The following ATXN1 variants were observed in gnomAD, a reference collection of about 807,000 sequenced individuals.
ATXN1 encodes ataxin-1.
A neutral mutation model predicts 56.4 loss-of-function variants in ATXN1; 8 were observed. That is an observed-to-expected ratio of 0.14 (90% CI 0.08 to 0.26). The LOEUF (loss-of-function observed/expected upper bound fraction) is 0.26, where lower values mean the gene tolerates loss of function less well. Ranked by LOEUF, ATXN1 falls within the 10% of genes least tolerant of loss-of-function variation. ATXN1 has a pLI of 1.00. For synonymous variants in ATXN1, 514 were observed against 494.6 expected, an observed-to-expected ratio of 1.04 and a Z score of -0.52; for missense variants, 987 against 1,106.5, an observed-to-expected ratio of 0.89 and a Z score of 1.53.
At chr6:16,624,056 A>G (rs1187406018) in intron 3 of ATXN1, among the ~76,000 whole-genome samples, 1 of 152,216 alleles carries the variant, frequency 6.6e-6, no homozygotes, top group African/African-American at 2.4e-5. Flanking sequence ...TTTGCAAAAT[A>G]AAAAGAGTTC....
chr6:16,426,711 C>T (rs957093343), intron 6 of ATXN1, among the ~76,000 whole-genome samples: 1 of 151,902 alleles, frequency 6.6e-6, no homozygotes, highest in Admixed American at 6.6e-5. Context: ...AACCAAGCAG[C>T]CCCCATTTGT....
chr6:16,504,700 T>C (rs1760947940), intron 5 of ATXN1, among the ~76,000 whole-genome samples: 2 of 152,184 alleles, frequency 1.3e-5, no homozygotes, highest in Admixed American at 6.6e-5. Flanking sequence ...TGACCAGGCC[T>C]GGATCTGACG....
In ATXN1 at chr6:16,326,186, T is replaced by G. The variant is rs1479966992; in HGVS notation, c.1917+208A>C. Among the ~76,000 whole-genome samples, 2 of 152,156 alleles carry G rather than the reference T, an allele frequency of 1.3e-5. No homozygotes were observed. Among genetic ancestry groups the G allele is most frequent in the African/African-American group, 4.8e-5 (2 of 41,428 alleles). On this transcript the variant is annotated intron_variant, in intron 7 of 7. Coordinates refer to ENST00000436367, the MANE Select transcript of ATXN1 (RefSeq NM_001128164.2). This position sits in a 1 kb window ranked among gnomAD's most constrained non-coding sequence, Gnocchi z 6.6. Reference sequence around the variant, plus strand: ...CATAACTAGCCCCACTCTCCATGCATGGAGGTTAATTCATTACACACAGCA... The same window carrying G: ...CATAACTAGCCCCACTCTCCATGCAGGGAGGTTAATTCATTACACACAGCA...
At chr6:16,609,571 T>C (rs912320920) in intron 3 of ATXN1, among the ~76,000 whole-genome samples, 5 of 152,180 alleles carry the variant, frequency 3.3e-5, no homozygotes, top group African/African-American at 1.2e-4. Context: ...CCTGGTCTAG[T>C]ACATTTTTAA....
chr6:16,424,098 T>C (rs537895519), intron 6 of ATXN1, among the ~76,000 whole-genome samples: 5 of 152,288 alleles, frequency 3.3e-5, no homozygotes, highest in South Asian at 4.1e-4. Flanking sequence ...GAAAAGACCA[T>C]GTCTTATCAA....
Position 16,604,587 on chromosome 6 carries a change from TC to T in ATXN1, c.-488-18681del, listed in dbSNP as rs1762969280. On this transcript the variant is annotated intron_variant, in intron 3 of 7. Coordinates refer to ENST00000436367, the MANE Select transcript of ATXN1 (RefSeq NM_001128164.2). Reference sequence around the variant, plus strand: ...TCAGACAACTGGATTTTGTTTCTCTTCTTTTTTTTTTTTTTTTTTAGACAGG... The same window carrying T: ...TCAGACAACTGGATTTTGTTTCTCTTTTTTTTTTTTTTTTTTTTAGACAGG... Among the ~76,000 whole-genome samples, 7 of 147,148 alleles carry T rather than the reference TC, an allele frequency of 4.8e-5. No homozygotes were observed. In the South Asian group the frequency reaches 6.6e-4, roughly 14 times the overall value.
At chr6:16,533,956 G>A (rs2113709171) in intron 4 of ATXN1, among the ~76,000 whole-genome samples, 1 of 152,160 alleles carries the variant, frequency 6.6e-6, no homozygotes, top group African/African-American at 2.4e-5. Context: ...CCTACTACAA[G>A]CAGAATAACG....
chr6:16,584,239 TATATAC>T (rs1400387084), intron 4 of ATXN1, among the ~76,000 whole-genome samples: 40 of 127,552 alleles, frequency 3.1e-4, no homozygotes, highest in South Asian at 5.2e-4. Flanking sequence ...TATATATATA[TATATAC>T]ACACACACAC....
At chr6:16,637,872 T>C (rs887646445) in intron 3 of ATXN1, among the ~76,000 whole-genome samples, 1 of 152,144 alleles carries the variant, frequency 6.6e-6, no homozygotes, top group Non-Finnish European at 1.5e-5. Context: ...CAGTCAAACA[T>C]GATATTATTA....
rs984215720 is a variant in ATXN1 at position 16,563,645 on chromosome 6, G to T, written c.-361+22135C>A. ...TTAAGATTTAGAAAGGTCCAAGTTG[G>T]GGGGTGTGAGGGTTCAAGTTGATAC... On this transcript the variant is annotated intron_variant, in intron 4 of 7. Coordinates refer to ENST00000436367, the MANE Select transcript of ATXN1 (RefSeq NM_001128164.2). Among the ~76,000 whole-genome samples, 4 of 152,208 alleles carry T rather than the reference G, an allele frequency of 2.6e-5. No individual in the cohort carries two copies. In the East Asian group the frequency reaches 5.8e-4, roughly 22 times the overall value.
At chr6:16,594,120 TAA>T (rs1762772837) in intron 3 of ATXN1, among the ~76,000 whole-genome samples, 1 of 147,526 alleles carries the variant, frequency 6.8e-6, no homozygotes, top group East Asian at 1.9e-4. Flanking sequence ...TTAGTCTAAT[TAA>T]TATATATATT....
At chr6:16,452,293 A>T (rs1291175796) in intron 6 of ATXN1, among the ~76,000 whole-genome samples, 1 of 152,244 alleles carries the variant, frequency 6.6e-6, no homozygotes, top group African/African-American at 2.4e-5. Flanking sequence ...GAATGAATAC[A>T]TGCAGGGATG....
At chr6:16,342,839 G>A (rs760060675) in intron 6 of ATXN1, among the ~76,000 whole-genome samples, 2 of 152,204 alleles carry the variant, frequency 1.3e-5, no homozygotes, top group Non-Finnish European at 2.9e-5. Flanking sequence ...TGGAGAGAGC[G>A]TAGAACAGGC....
At chr6:16,733,185 C>T (rs1437281713) in intron 2 of ATXN1, among the ~76,000 whole-genome samples, 2 of 152,186 alleles carry the variant, frequency 1.3e-5, no homozygotes, top group Admixed American at 1.3e-4. Context: ...ACATATTCCA[C>T]TTAATGGTTT....
chr6:16,417,207 A>C (rs754271759), intron 6 of ATXN1, among the ~76,000 whole-genome samples: 16 of 152,118 alleles, frequency 1.1e-4, no homozygotes, highest in Non-Finnish European at 1.9e-4. Flanking sequence ...ACTTAAAAAA[A>C]AATTTTCTTT....
chr6:16,536,569 C>T (rs976637574), intron 4 of ATXN1, among the ~76,000 whole-genome samples: 7 of 152,146 alleles, frequency 4.6e-5, no homozygotes, highest in African/African-American at 1.7e-4. Context: ...ATTTATTTAG[C>T]CCAAATATGC....
At chr6:16,381,576 G>A (rs1206957088) in intron 6 of ATXN1, among the ~76,000 whole-genome samples, 1 of 152,224 alleles carries the variant, frequency 6.6e-6, no homozygotes, top group Non-Finnish European at 1.5e-5. Context: ...GTGTGTGAAG[G>A]AATGACTTCA....
chr6:16,587,505 TG>T (rs1415111312), intron 3 of ATXN1, among the ~76,000 whole-genome samples: 1 of 152,226 alleles, frequency 6.6e-6, no homozygotes, highest in Non-Finnish European at 1.5e-5. Context: ...AAATTATGTA[TG>T]GGTCCCACAA....
At chr6:16,568,208 A>C (rs930954352) in intron 4 of ATXN1, among the ~76,000 whole-genome samples, 1 of 152,250 alleles carries the variant, frequency 6.6e-6, no homozygotes, top group Non-Finnish European at 1.5e-5. Context: ...GAGATAAAAT[A>C]AAATCACTAT....
Sources: gnomAD v4.1 joint callset for allele counts (sites outside exome capture counted in the v4.1 genomes callset) on GRCh38, gnomAD v4.1.1 for gene constraint, Gnocchi (gnomAD v3.1) non-coding constraint, MANE v1.5 for transcripts, NCBI Gene and HGNC (gene_info 2026-07-23, HGNC 2026-07-21) for gene names.